The following SORCS1 variants were observed in gnomAD, a reference collection of about 807,000 sequenced individuals.
The protein encoded by SORCS1 is sortilin related VPS10 domain containing receptor 1.
Under a neutral mutation model 146.1 loss-of-function variants are expected in SORCS1, and 60 were observed. That is an observed-to-expected ratio of 0.41 (90% CI 0.33 to 0.51). The LOEUF (loss-of-function observed/expected upper bound fraction) is 0.51. SORCS1 is among the 20% of genes least tolerant of loss of function. The pLI is 0.21. For synonymous variants in SORCS1, 637 were observed against 584.0 expected, an observed-to-expected ratio of 1.09 and a Z score of -1.31; for missense variants, 1,352 against 1,487.6, an observed-to-expected ratio of 0.91 and a Z score of 1.50.
chr10:106,699,399 AAAAGACAC>A lies in SORCS1; in HGVS notation c.1234-14_1234-7del. On this transcript the variant is annotated splice_region_variant and splice_polypyrimidine_tract_variant and intron_variant, in intron 8 of 25. Transcript: ENST00000263054. ...GTGCTGATAACATGCATGTCCTGTG[AAAAGACAC>A]AAGGTCGTGAAGAGGGAAAAAGAGT... 3.7e-6 allele frequency: 6 copies of A among 1,605,238 alleles called. No individual in the cohort carries two copies. The highest frequency in any genetic ancestry group is 5.1e-6 in the Non-Finnish European group (6 of 1,175,560).
intron 3 of SORCS1, among the ~76,000 whole-genome samples, chr10:106,816,809 G>A (rs532131755): frequency 1.3e-5 from 2 of 152,232 alleles, no homozygotes; most frequent in East Asian, 3.9e-4. Flanking sequence ...GTTGCAATGG[G>A]CATCGAGCCA....
At chr10:107,096,151 C>A (rs765488462) in intron 1 of SORCS1, among the ~76,000 whole-genome samples, 55 of 152,154 alleles carry the variant, frequency 3.6e-4, no homozygotes, top group Non-Finnish European at 7.3e-4. Flanking sequence ...CCAGTGTTTG[C>A]AGTCACCTTA....
At chr10:106,729,712 A>G (rs1379211323) in intron 6 of SORCS1, among the ~76,000 whole-genome samples, 1 of 152,136 alleles carries the variant, frequency 6.6e-6, no homozygotes, top group East Asian at 1.9e-4. Flanking sequence ...ATATATTTAT[A>G]TTTACAAATA....
intron 1 of SORCS1, among the ~76,000 whole-genome samples, chr10:107,016,531 G>C (rs548487486): frequency 2.0e-5 from 3 of 152,150 alleles, no homozygotes; most frequent in African/African-American, 7.2e-5. Flanking sequence ...ATCAATTATA[G>C]GTCGATTGTA....
At chr10:107,013,587 C>T (rs1369440034) in intron 1 of SORCS1, among the ~76,000 whole-genome samples, 1 of 152,114 alleles carries the variant, frequency 6.6e-6, no homozygotes, top group Non-Finnish European at 1.5e-5. Context: ...TTTGTATTTA[C>T]ACATTGTAAT....
At chr10:106,842,328 G>T (rs754366560) in intron 2 of SORCS1, among the ~76,000 whole-genome samples, 4 of 152,140 alleles carry the variant, frequency 2.6e-5, no homozygotes, top group African/African-American at 4.8e-5. Context: ...CCATTTCCCA[G>T]GTTCAAGTGA....
intron 1 of SORCS1, among the ~76,000 whole-genome samples, chr10:107,159,822 A>G (rs143226161): frequency 2.9e-3 from 441 of 152,116 alleles, no homozygotes; most frequent in Non-Finnish European, 4.6e-3. Context: ...TTTACTTTTT[A>G]AAAGGTCAGC....
rs111666070 is a variant in SORCS1 at position 106,837,824 on chromosome 10, T to C, written c.627-8151A>G. On this transcript the variant is annotated intron_variant, in intron 2 of 25. Coordinates refer to ENST00000263054, the MANE Select transcript of SORCS1 (RefSeq NM_052918.5). The stretch of plus-strand genomic sequence containing the variant: ...TCCAGATACCTAATAGACAACTGTC[T>C]TATTGCTTTCTGAACAATGCTCATG... Among the ~76,000 whole-genome samples the C allele has an allele frequency of 5.8e-3, 890 of 152,144 alleles. 9 individuals carry two copies. Among genetic ancestry groups the C allele is most frequent in the African/African-American group, 0.02 (828 of 41,510 alleles).
rs142542863 is a variant in SORCS1 at position 106,756,996 on chromosome 10, C to T, written c.959+4592G>A. On this transcript the variant is annotated intron_variant, in intron 5 of 25. Transcript: ENST00000263054. ...GACTGAGCCCCCGTCTCCTTGGCTG[C>T]AGCACCTGATTAAAGCCTTCTTCTT... Among the ~76,000 whole-genome samples, 1,338 of 152,272 alleles carry T rather than the reference C, an allele frequency of 8.8e-3. 13 individuals are homozygous for T. The highest frequency in any genetic ancestry group is 0.015 in the Non-Finnish European group (1,036 of 68,036).
At chr10:107,101,423 C>G (rs935390203) in intron 1 of SORCS1, among the ~76,000 whole-genome samples, 1 of 152,166 alleles carries the variant, frequency 6.6e-6, no homozygotes, top group Non-Finnish European at 1.5e-5. Flanking sequence ...CTGTATCAAC[C>G]AAAGTTCACA....
intron 5 of SORCS1, among the ~76,000 whole-genome samples, chr10:106,746,759 T>C (rs1334404734): frequency 6.6e-6 from 1 of 152,222 alleles, no homozygotes; most frequent in African/African-American, 2.4e-5. Context: ...AACATAAAGA[T>C]GTTGGGTCCA....
chr10:106,988,554 T>C (rs1956596362), intron 1 of SORCS1, among the ~76,000 whole-genome samples: 1 of 152,132 alleles, frequency 6.6e-6, no homozygotes. Flanking sequence ...CTTTTTTTTT[T>C]TAGAATTCTG....
At chr10:106,992,405 T>C (rs763168514) in intron 1 of SORCS1, among the ~76,000 whole-genome samples, 1 of 152,220 alleles carries the variant, frequency 6.6e-6, no homozygotes, top group Non-Finnish European at 1.5e-5. Context: ...ACTAACATTT[T>C]TTCCAAGATG....
chr10:106,958,794 G>A (rs74152280), intron 1 of SORCS1, among the ~76,000 whole-genome samples: 9 of 152,242 alleles, frequency 5.9e-5, no homozygotes, highest in East Asian at 1.9e-4. Context: ...CAATTAAGTC[G>A]CTCTCAGTGC....
At chr10:106,842,887 A>G (rs1949114318) in intron 2 of SORCS1, among the ~76,000 whole-genome samples, 1 of 152,192 alleles carries the variant, frequency 6.6e-6, no homozygotes, top group African/African-American at 2.4e-5. Flanking sequence ...TGCTGAGATT[A>G]CAGGCATGAG....
chr10:107,138,702 T>C (rs1426264038), intron 1 of SORCS1, among the ~76,000 whole-genome samples: 1 of 152,228 alleles, frequency 6.6e-6, no homozygotes, highest in African/African-American at 2.4e-5. Context: ...GTGCACTTCA[T>C]GTGTAGAGTA....
intron 1 of SORCS1, among the ~76,000 whole-genome samples, chr10:107,069,748 CCAAA>C (rs747537699): frequency 2.6e-5 from 4 of 152,134 alleles, no homozygotes; most frequent in Non-Finnish European, 4.4e-5. Flanking sequence ...AGTACAGAAT[CCAAA>C]CAATGTCTTA....
intron 2 of SORCS1, among the ~76,000 whole-genome samples, chr10:106,856,350 C>A (rs1293879872): frequency 6.6e-6 from 1 of 152,132 alleles, no homozygotes. Flanking sequence ...TTCTTTAGTT[C>A]TATGATTAAC....
chr10:106,778,826 T>C lies in SORCS1; in HGVS notation c.727-2134A>G, dbSNP rs574259982. 2.0e-5 allele frequency among the ~76,000 whole-genome samples: 3 copies of C among 152,310 alleles called. No homozygotes were observed. The East Asian group carries it at 5.8e-4, about 29-fold the overall frequency. ...CCCTGTTAGCCAGAATATGCTTTCC[T>C]CTTTTCCCATGAGTATAGATCTCCC... On this transcript the variant is annotated intron_variant, in intron 3 of 25. Coordinates refer to ENST00000263054, the MANE Select transcript of SORCS1 (RefSeq NM_052918.5).
Sources: allele counts gnomAD v4.1 joint callset (sites outside exome capture counted in the v4.1 genomes callset), GRCh38; gene constraint gnomAD v4.1.1; transcripts MANE v1.5; gene names NCBI Gene and HGNC (gene_info 2026-07-23, HGNC 2026-07-21).